Variants in CCDC102B observed in about 807,000 individuals in gnomAD.
CCDC102B encodes coiled-coil domain-containing protein 102B.
In CCDC102B, 75 loss-of-function variants were observed where a neutral mutation model predicts 57.4. The ratio of observed to expected loss-of-function variants is 1.31; its 90% CI spans 1.08 to 1.58. The LOEUF is 1.58. Among genes scored for constraint, CCDC102B ranks in the 40% most tolerant of loss-of-function variants. The probability of loss-of-function intolerance (pLI) is 0.00; values close to 1 mark genes in which losing one functional copy is unlikely to be tolerated. For missense variants in CCDC102B, 636 were observed against 582.6 expected, an observed-to-expected ratio of 1.09 and a Z score of -0.94; for synonymous variants, 206 against 201.9, an observed-to-expected ratio of 1.02 and a Z score of -0.17.
chr18:68,736,001 A>C (rs1355144703), intron 2 of CCDC102B, among the ~76,000 whole-genome samples: 3 of 152,222 alleles, frequency 2.0e-5, no homozygotes, highest in Non-Finnish European at 4.4e-5. Context: ...TTCTCTTGAG[A>C]GATCAACTCT....
intron 2 of CCDC102B, among the ~76,000 whole-genome samples, chr18:68,750,270 G>A (rs942247899): frequency 6.6e-5 from 10 of 152,040 alleles, no homozygotes; most frequent in African/African-American, 1.9e-4. Flanking sequence ...TTAGAATGGC[G>A]ATCATTAAAA....
chr18:68,947,096 A>C (rs1409204786), intron 6 of CCDC102B, among the ~76,000 whole-genome samples: 3 of 152,022 alleles, frequency 2.0e-5, no homozygotes, highest in Non-Finnish European at 4.4e-5. Context: ...AACAATTTTA[A>C]TTAAAGAGTA....
intron 7 of CCDC102B, among the ~76,000 whole-genome samples, chr18:69,047,417 A>G (rs529837494): frequency 2.6e-5 from 4 of 152,248 alleles, no homozygotes; most frequent in African/African-American, 7.2e-5. Flanking sequence ...ATCTAAGACA[A>G]ACCCACAACC....
intron 7 of CCDC102B, among the ~76,000 whole-genome samples, chr18:69,038,547 T>C (rs1047501257): frequency 6.6e-6 from 1 of 151,930 alleles, no homozygotes; most frequent in African/African-American, 2.4e-5. Flanking sequence ...CTTTAAAAGA[T>C]GAACTATACA....
chr18:68,838,548 C>T, intron 2 of CCDC102B, 158 bp from the exon 3 acceptor site: 7 of 985,114 alleles, frequency 7.1e-6, no homozygotes, highest in Non-Finnish European at 8.4e-6. Flanking sequence ...AAGAAGAATG[C>T]AAGTAAGTGT....
chr18:69,037,290 C>A (rs1568141432), intron 7 of CCDC102B, among the ~76,000 whole-genome samples: 1 of 151,930 alleles, frequency 6.6e-6, no homozygotes, highest in Non-Finnish European at 1.5e-5. Flanking sequence ...ACACACACAT[C>A]CCATGTATAT....
At chr18:68,737,025 A>G (rs906297893) in intron 2 of CCDC102B, among the ~76,000 whole-genome samples, 4 of 152,022 alleles carry the variant, frequency 2.6e-5, no homozygotes, top group African/African-American at 9.7e-5. Flanking sequence ...GTCTTGAGCC[A>G]AAGGGGTCAA....
intron 7 of CCDC102B, among the ~76,000 whole-genome samples, chr18:69,044,076 A>G (rs1003327760): frequency 6.6e-5 from 10 of 152,158 alleles, no homozygotes; most frequent in Admixed American, 2.6e-4. Flanking sequence ...CCAAAACCAA[A>G]GCAAAAAATA....
chr18:68,915,024 G>A (rs1263920265), intron 6 of CCDC102B, among the ~76,000 whole-genome samples: 2 of 151,794 alleles, frequency 1.3e-5, no homozygotes, highest in Non-Finnish European at 2.9e-5. Flanking sequence ...AGAGAGAAAC[G>A]TGAATGAGGG....
chr18:68,797,121 C>T (rs1329237331), upstream of CCDC102B, among the ~76,000 whole-genome samples: 1 of 151,962 alleles, frequency 6.6e-6, no homozygotes, highest in Non-Finnish European at 1.5e-5. Context: ...TTAAGTTTAG[C>T]TCGATGGGTC....
chr18:68,935,199 A>C (rs1016203713), intron 6 of CCDC102B, among the ~76,000 whole-genome samples: 6 of 151,992 alleles, frequency 3.9e-5, no homozygotes, highest in Non-Finnish European at 4.4e-5. Flanking sequence ...TTTTAAGATA[A>C]ACATGTGCCC....
At chr18:68,827,091 GA>G (rs1249775062) in intron 1 of CCDC102B, among the ~76,000 whole-genome samples, 2 of 152,002 alleles carry the variant, frequency 1.3e-5, no homozygotes, top group Non-Finnish European at 2.9e-5. Flanking sequence ...ATCCTTTGGG[GA>G]ATGAATGGAA....
chr18:68,930,142 G>A (rs1237577505), intron 6 of CCDC102B, among the ~76,000 whole-genome samples: 1 of 150,846 alleles, frequency 6.6e-6, no homozygotes, highest in Non-Finnish European at 1.5e-5. Context: ...GAAGGGCCCA[G>A]ATACTTGGAT....
Position 69,026,372 on chromosome 18 carries a change from C to G in CCDC102B, c.1434+15268C>G, listed in dbSNP as rs571162906. On this transcript the variant is annotated intron_variant, in intron 7 of 7. Transcript: ENST00000360242. ...ATCCCAGCTACTCAGGAGGCTGAGG[C>G]AGGAGAATCGCTTGAAGCCTGGAAG... is the stretch of plus-strand genomic sequence containing the variant. Among the ~76,000 whole-genome samples, 3 of 149,634 alleles carry G rather than the reference C, an allele frequency of 2.0e-5. No individual in the cohort carries two copies. In the Admixed American group the frequency reaches 2.0e-4, roughly 10 times the overall value.
At chr18:68,759,339 G>T (rs1787262) in intron 2 of CCDC102B, among the ~76,000 whole-genome samples, 149,579 of 152,184 alleles carry the variant, frequency 0.98, 73,560 homozygotes, top group East Asian at 1. Flanking sequence ...GAAATGAGTT[G>T]CCATATTTAA....
At chr18:69,032,176 C>G (rs2052164289) in intron 7 of CCDC102B, among the ~76,000 whole-genome samples, 1 of 152,106 alleles carries the variant, frequency 6.6e-6, no homozygotes, top group Non-Finnish European at 1.5e-5. Flanking sequence ...CAAAGAGGCA[C>G]ATAGCCCAGT....
intron 2 of CCDC102B, among the ~76,000 whole-genome samples, chr18:68,766,741 A>C (rs1163643308): frequency 6.6e-6 from 1 of 152,154 alleles, no homozygotes; most frequent in African/African-American, 2.4e-5. Flanking sequence ...AGGAAATCAA[A>C]AGGTATGAGT....
intron 2 of CCDC102B, among the ~76,000 whole-genome samples, chr18:68,786,931 T>G (rs1471176085): frequency 3.3e-5 from 5 of 152,198 alleles, no homozygotes; most frequent in Non-Finnish European, 1.5e-5. Context: ...TGCTTCCAGT[T>G]TTTGTCCATT....
chr18:68,846,162 A>C (rs181831060), intron 3 of CCDC102B, 151 bp from the exon 4 acceptor site: 108 of 405,180 alleles, frequency 2.7e-4, no homozygotes, highest in Admixed American at 1.4e-3. Flanking sequence ...AATATTTATA[A>C]TTTTTAATGA....
Sources: allele counts gnomAD v4.1 joint callset (sites outside exome capture counted in the v4.1 genomes callset), GRCh38; gene constraint gnomAD v4.1.1; transcripts MANE v1.5; gene names NCBI Gene and HGNC (gene_info 2026-07-23, HGNC 2026-07-21).